COL24A1: variants seen among roughly 807,000 people sequenced by gnomAD.
COL24A1 encodes the protein collagen type XXIV alpha 1 chain.
COL24A1 carries 224 observed loss-of-function variants against 253.9 expected under a neutral mutation model. That is an observed-to-expected ratio of 0.88 (90% CI 0.79 to 0.99). The LOEUF (loss-of-function observed/expected upper bound fraction) is 0.99, where lower values mean the gene tolerates loss of function less well. Among genes scored for constraint, COL24A1 ranks in the 50% least tolerant of loss-of-function variants. COL24A1 has a pLI of 0.00. For missense variants in COL24A1, 2,131 were observed against 2,068.5 expected (o/e 1.03, Z -0.59); for synonymous variants, 685 against 673.7 (o/e 1.02, Z -0.26).
intron 4 of COL24A1, among the ~76,000 whole-genome samples, chr1:86,114,128 T>C (rs1705893399): frequency 6.6e-6 from 1 of 152,152 alleles, no homozygotes; most frequent in Non-Finnish European, 1.5e-5. Context: ...TGTTGCCAAA[T>C]AATATAAAAT....
intron 57 of COL24A1, among the ~76,000 whole-genome samples, chr1:85,741,881 T>C (rs1302530923): frequency 1.3e-5 from 2 of 152,192 alleles, no homozygotes; most frequent in Admixed American, 1.3e-4. Context: ...TGAAGGTCCT[T>C]AATGATGTCT....
At chr1:86,075,465 C>T (rs1047056005) in intron 7 of COL24A1, among the ~76,000 whole-genome samples, 1 of 152,074 alleles carries the variant, frequency 6.6e-6, no homozygotes, top group Non-Finnish European at 1.5e-5. Flanking sequence ...AACAGAGGTA[C>T]AAAGAGGAGC....
chr1:85,999,840 AG>A, intron 19 of COL24A1, among the ~76,000 whole-genome samples: 1 of 152,226 alleles, frequency 6.6e-6, no homozygotes, highest in African/African-American at 2.4e-5. Context: ...GGGAGATGAG[AG>A]GGGGGTCTCA....
At chr1:86,017,989 A>T (rs1697153737) in intron 18 of COL24A1, among the ~76,000 whole-genome samples, 1 of 152,156 alleles carries the variant, frequency 6.6e-6, no homozygotes, top group African/African-American at 2.4e-5. Flanking sequence ...GTTAAAGGAG[A>T]AAGTGACAGG....
intron 24 of COL24A1, 72 bp downstream of exon 24, chr1:85,961,177 G>A (rs1283731622): frequency 9.9e-6 from 11 of 1,115,398 alleles, no homozygotes; most frequent in Admixed American, 5.5e-5. Flanking sequence ...TATAGCAAAC[G>A]TAATCATGGC....
At chr1:86,133,136 C>A (rs1459248712) in intron 2 of COL24A1, among the ~76,000 whole-genome samples, 1 of 152,102 alleles carries the variant, frequency 6.6e-6, no homozygotes, top group African/African-American at 2.4e-5. Flanking sequence ...GGAGTTCACT[C>A]ATGATTTGGC....
intron 20 of COL24A1, among the ~76,000 whole-genome samples, chr1:85,972,662 G>A (rs1692290097): frequency 6.6e-6 from 1 of 150,930 alleles, no homozygotes; most frequent in Non-Finnish European, 1.5e-5. Context: ...GAGGGGAGGT[G>A]ACTCCACCTT....
At chr1:85,841,965 G>T in intron 41 of COL24A1, 103 bp downstream of exon 41, 7 of 937,536 alleles carry the variant, frequency 7.5e-6, no homozygotes, top group Non-Finnish European at 8.2e-6. Flanking sequence ...AACTTTAAAA[G>T]TGCTTCTTTT....
intron 6 of COL24A1, among the ~76,000 whole-genome samples, chr1:86,089,545 CGCGGTG>C (rs1285397656): frequency 6.6e-6 from 1 of 152,160 alleles, no homozygotes; most frequent in Non-Finnish European, 1.5e-5. Context: ...TAGGGCTGGG[CGCGGTG>C]GCCCAGGCCT....
At chr1:86,089,130 G>GAA (rs56934354) in intron 7 of COL24A1, 44 bp downstream of exon 7, 17,055 of 1,357,764 alleles carry the variant, frequency 0.013, 3 homozygotes, top group Non-Finnish European at 0.014. Flanking sequence ...ACAAAAAAAA[G>GAA]AAAAAAAGAA....
intron 47 of COL24A1, among the ~76,000 whole-genome samples, chr1:85,806,484 G>T (rs1390490451): frequency 2.0e-5 from 3 of 152,198 alleles, no homozygotes; most frequent in Non-Finnish European, 1.5e-5. Context: ...CAGTTCTGCT[G>T]TTGTAGTGCA....
intron 59 of COL24A1, among the ~76,000 whole-genome samples, chr1:85,733,371 G>A (rs1381545037): frequency 6.6e-6 from 1 of 152,092 alleles, no homozygotes; most frequent in African/African-American, 2.4e-5. Flanking sequence ...GGGCCCTGCA[G>A]TCTCTGTCAT....
chr1:85,824,470 T>C (rs1162514526), intron 43 of COL24A1, among the ~76,000 whole-genome samples: 1 of 152,214 alleles, frequency 6.6e-6, no homozygotes. Flanking sequence ...TTTCAACCTC[T>C]TCCTCCTCCG....
intron 20 of COL24A1, among the ~76,000 whole-genome samples, chr1:85,972,255 C>G (rs890390625): frequency 3.9e-5 from 6 of 152,096 alleles, no homozygotes; most frequent in African/African-American, 7.2e-5. Context: ...TTTTAAATAA[C>G]TATACCAAAG....
intron 55 of COL24A1, among the ~76,000 whole-genome samples, chr1:85,759,750 C>G (rs1042869065): frequency 6.6e-6 from 1 of 152,186 alleles, no homozygotes; most frequent in Non-Finnish European, 1.5e-5. Context: ...AAAAACCTCT[C>G]ATGTCTTACT....
intron 23 of COL24A1, 113 bp downstream of exon 23, chr1:85,964,896 A>T: frequency 1.2e-6 from 1 of 851,946 alleles, no homozygotes; most frequent in South Asian, 1.9e-5. Context: ...CAGTTTTAAC[A>T]TCTCACTGGT....
At chr1:85,890,387 C>T (rs1682988601) in intron 31 of COL24A1, among the ~76,000 whole-genome samples, 1 of 148,952 alleles carries the variant, frequency 6.7e-6, no homozygotes. Context: ...TCTAATTCCT[C>T]CACATCCTTG....
chr1:86,009,931 T>C (rs1179319252), intron 19 of COL24A1, among the ~76,000 whole-genome samples: 2 of 152,028 alleles, frequency 1.3e-5, no homozygotes, highest in Non-Finnish European at 2.9e-5. Context: ...ATGATATAGG[T>C]AGCATAGTTT....
intron 47 of COL24A1, among the ~76,000 whole-genome samples, chr1:85,787,660 C>T (rs930311963): frequency 6.6e-5 from 10 of 152,098 alleles, no homozygotes; most frequent in African/African-American, 2.4e-4. Context: ...GTGAATGGTG[C>T]TGCAATGAAC....
Sources: allele counts gnomAD v4.1 joint callset (sites outside exome capture counted in the v4.1 genomes callset), GRCh38; gene constraint gnomAD v4.1.1; transcripts MANE v1.5; gene names NCBI Gene and HGNC (gene_info 2026-07-23, HGNC 2026-07-21).